Variants in ZCCHC24 observed in about 807,000 individuals in gnomAD.
ZCCHC24 encodes zinc finger CCHC domain-containing protein 24.
A neutral mutation model predicts 26.2 loss-of-function variants in ZCCHC24; 10 were observed. That is an observed-to-expected ratio of 0.38 (90% CI 0.24 to 0.65). The LOEUF is 0.65. Among genes scored for constraint, ZCCHC24 ranks in the 30% least tolerant of loss-of-function variants. The pLI is 0.54. For synonymous variants in ZCCHC24, 144 were observed against 147.1 expected (o/e 0.98, Z 0.15); for missense variants, 243 against 329.1 (o/e 0.74, Z 2.03).
At chr10:79,431,680 A>G (rs1259652859) in intron 2 of ZCCHC24, among the ~76,000 whole-genome samples, 1 of 152,214 alleles carries the variant, frequency 6.6e-6, no homozygotes, top group African/African-American at 2.4e-5. Context: ...ACCACACGTC[A>G]GTTTCCAACA....
intron 3 of ZCCHC24, among the ~76,000 whole-genome samples, chr10:79,393,635 C>A (rs1370824954): frequency 6.6e-6 from 1 of 152,200 alleles, no homozygotes; most frequent in Non-Finnish European, 1.5e-5. Context: ...CCTCGAGTGC[C>A]CCCAGGGCTC....
chr10:79,428,281 C>T (rs1382562944), intron 2 of ZCCHC24, among the ~76,000 whole-genome samples: 1 of 152,188 alleles, frequency 6.6e-6, no homozygotes, highest in Non-Finnish European at 1.5e-5. Flanking sequence ...AGACAAACGC[C>T]ATGTGATTCC....
chr10:79,411,021 G>A (rs904166701), intron 2 of ZCCHC24, among the ~76,000 whole-genome samples: 1 of 152,100 alleles, frequency 6.6e-6, no homozygotes, highest in Non-Finnish European at 1.5e-5. Flanking sequence ...AGGCCAGGGT[G>A]GAGCAAGGGA....
At chr10:79,441,608 G>A (rs1334298274) in intron 1 of ZCCHC24, among the ~76,000 whole-genome samples, 1 of 152,130 alleles carries the variant, frequency 6.6e-6, no homozygotes, top group East Asian at 1.9e-4. Flanking sequence ...TCAAGCTGAA[G>A]AAAGGTTAAC....
chr10:79,385,924 T>A lies in ZCCHC24; in HGVS notation c.*421A>T, dbSNP rs1856384746. ...CCATACAGGGCAAACCGGAAGGTTCTGGGTGGGGGCAGGCGGCCTGGCTGG... is the reference window on the plus strand; with the variant it reads ...CCATACAGGGCAAACCGGAAGGTTCAGGGTGGGGGCAGGCGGCCTGGCTGG... On this transcript the variant is annotated 3_prime_UTR_variant, in exon 4 of 4. Transcript: ENST00000372336. The surrounding 1 kb of genome is among the most constrained non-coding windows in gnomAD (Gnocchi z 4.3). 1 of 409,536 alleles carries A rather than the reference T, an allele frequency of 2.4e-6. No homozygotes were observed. The allele number at this position is 409,536 out of a possible 1,614,324, so 25.4% of individuals were successfully genotyped here.
rs1020367140 is a variant in ZCCHC24, at chr10:79,422,045, C to A, written c.447+10513G>T. ...AATCAATGGTGTTAAACTTTATAAG[C>A]CTGAGAGCCTTCCCTTCGCATGCTC... On this transcript the variant is annotated intron_variant, in intron 2 of 3. Transcript: ENST00000372336. 2.0e-5 allele frequency among the ~76,000 whole-genome samples: 3 copies of A among 152,262 alleles called. No homozygotes were observed. The East Asian group carries it at 5.8e-4, about 29-fold the overall frequency.
At chr10:79,444,087 T>C (rs772381481) in intron 1 of ZCCHC24, 2 of 1,539,806 alleles carry the variant, frequency 1.3e-6, no homozygotes, top group Non-Finnish European at 1.8e-6. Flanking sequence ...GGACTCTGAC[T>C]CTCCTAAAAC....
rs1255849232 is a variant in ZCCHC24 at position 79,445,444 on chromosome 10, G to T, written c.-4C>A. 2.1e-6 allele frequency: 3 copies of T among 1,445,482 alleles called. No homozygotes were observed. The highest frequency in any genetic ancestry group is 5.0e-5 in the Admixed American group (2 of 39,804). The allele number at this position is 1,445,482 out of a possible 1,614,324, so 89.5% of individuals were successfully genotyped here. ...CGATGGCCGACAGCAGGCTCATTTT[G>T]TGGCGGCGGTGCCGGCCCCTCCCCG... On this transcript the variant is annotated 5_prime_UTR_variant, in exon 1 of 4. Coordinates refer to ENST00000372336, the MANE Select transcript of ZCCHC24 (RefSeq NM_153367.4).
intron 1 of ZCCHC24, 99 bp downstream of exon 1, chr10:79,445,096 C>A (rs929167448): frequency 4.5e-5 from 52 of 1,150,312 alleles, no homozygotes; most frequent in Non-Finnish European, 5.4e-5. Flanking sequence ...GGAGCCGGGC[C>A]GCGCCAGGCC....
chr10:79,445,346 T>G lies in ZCCHC24; in HGVS notation c.95A>C (p.His32Pro). The change falls in exon 1 of 4, where the codon CAC (histidine) becomes CCC (proline). Residue 32 changes from histidine to proline, a missense_variant. Coordinates refer to ENST00000372336, the MANE Select transcript of ZCCHC24 (RefSeq NM_153367.4). ...GAAGGCATCGAAGGCGCTAGCCTGG[T>G]GCGTGTCCTGCAGCGACAGGTAGAC... ...NWVYLSLQDTHQASAFDAFRP... is the reference protein window; with the variant it reads ...NWVYLSLQDTPQASAFDAFRP... 1 of 1,535,336 alleles carries G rather than the reference T, an allele frequency of 6.5e-7. No homozygotes were observed. The highest frequency in any genetic ancestry group is 8.7e-7 in the Non-Finnish European group (1 of 1,143,916).
Position 79,384,678 on chromosome 10 carries a change from C to G in ZCCHC24, c.*1667G>C, listed in dbSNP as rs1407352252. 6.5e-6 allele frequency: 1 copy of G among 152,798 alleles called. No individual in the cohort carries two copies. Among genetic ancestry groups the G allele is most frequent in the Non-Finnish European group, 1.5e-5 (1 of 68,090 alleles). The allele number at this position is 152,798 out of a possible 1,614,324, so 9.5% of individuals were successfully genotyped here. On this transcript the variant is annotated 3_prime_UTR_variant, in exon 4 of 4. Coordinates refer to ENST00000372336, the MANE Select transcript of ZCCHC24 (RefSeq NM_153367.4). ...TCACTCCATCTTTTCAACTCGCTCC[C>G]TGGACCCCTGGTTAACACTTCACTG...
chr10:79,445,097 G>A, intron 1 of ZCCHC24, 98 bp downstream of exon 1: 1 of 1,151,904 alleles, frequency 8.7e-7, no homozygotes, highest in Non-Finnish European at 1.1e-6. Flanking sequence ...GAGCCGGGCC[G>A]CGCCAGGCCA....
intron 2 of ZCCHC24, among the ~76,000 whole-genome samples, chr10:79,402,353 G>C (rs982327058): frequency 6.6e-6 from 1 of 152,070 alleles, no homozygotes; most frequent in African/African-American, 2.4e-5. Context: ...TCCGCTCACT[G>C]CAAGCTCCAC....
At chr10:79,444,298 C>G (rs1857329949) in intron 1 of ZCCHC24, 1 of 1,403,906 alleles carries the variant, frequency 7.1e-7, no homozygotes, top group African/African-American at 1.5e-5. Context: ...GGTATCTGGG[C>G]AGGCCCTGGA....
intron 2 of ZCCHC24, among the ~76,000 whole-genome samples, chr10:79,428,731 T>C (rs1182551514): frequency 1.3e-5 from 2 of 152,104 alleles, no homozygotes; most frequent in African/African-American, 4.8e-5. Flanking sequence ...GACAAAACTT[T>C]AGGTAGATTA....
intron 1 of ZCCHC24, among the ~76,000 whole-genome samples, chr10:79,432,959 T>G (rs1857156086): frequency 6.6e-6 from 1 of 152,182 alleles, no homozygotes; most frequent in Non-Finnish European, 1.5e-5. Flanking sequence ...TGGCCCTATC[T>G]GCAAAATGGT....
At chr10:79,393,788 G>GC (rs1178663235) in intron 3 of ZCCHC24, among the ~76,000 whole-genome samples, 3 of 151,906 alleles carry the variant, frequency 2.0e-5, no homozygotes, top group Non-Finnish European at 4.4e-5. Flanking sequence ...AGGATGGCCA[G>GC]CCCCCCACTT....
chr10:79,398,655 C>T (rs575763623), intron 2 of ZCCHC24, among the ~76,000 whole-genome samples: 1 of 152,308 alleles, frequency 6.6e-6, no homozygotes, highest in East Asian at 1.9e-4. Flanking sequence ...TAGGCATCTT[C>T]GCTTTCTAGA....
intron 2 of ZCCHC24, among the ~76,000 whole-genome samples, chr10:79,429,809 C>G (rs1426247569): frequency 6.6e-6 from 1 of 152,184 alleles, no homozygotes; most frequent in Non-Finnish European, 1.5e-5. Flanking sequence ...TTCTAACACA[C>G]TATTTCATTT....
Sources: allele counts gnomAD v4.1 joint callset (sites outside exome capture counted in the v4.1 genomes callset), GRCh38; gene constraint gnomAD v4.1.1; non-coding constraint Gnocchi (gnomAD v3.1); transcripts MANE v1.5; gene names NCBI Gene and HGNC (gene_info 2026-07-23, HGNC 2026-07-21).